PDIA5: variants seen among roughly 807,000 people sequenced by gnomAD.
PDIA5 encodes the protein protein disulfide-isomerase A5.
Under a neutral mutation model 77.6 loss-of-function variants are expected in PDIA5, and 58 were observed. That is an observed-to-expected ratio of 0.75 (90% CI 0.61 to 0.93). PDIA5 has a LOEUF of 0.93. Among genes scored for constraint, PDIA5 ranks in the 40% least tolerant of loss-of-function variants. The probability of loss-of-function intolerance (pLI) is 0.00; values close to 1 mark genes in which losing one functional copy is unlikely to be tolerated. For synonymous variants in PDIA5, 250 were observed against 252.1 expected, an observed-to-expected ratio of 0.99 and a Z score of 0.08; for missense variants, 630 against 647.7, an observed-to-expected ratio of 0.97 and a Z score of 0.30.
At chr3:123,150,529 T>C (rs1935868682) in intron 14 of PDIA5, among the ~76,000 whole-genome samples, 165 bp downstream of exon 14, 1 of 151,898 alleles carries the variant, frequency 6.6e-6, no homozygotes, top group Admixed American at 6.6e-5. Flanking sequence ...GGCTAAGAGG[T>C]CCTTCAAATC....
chr3:123,139,881 G>A (rs1214536316), intron 11 of PDIA5, among the ~76,000 whole-genome samples: 6 of 152,158 alleles, frequency 3.9e-5, no homozygotes, highest in African/African-American at 1.4e-4. Context: ...CAAGACAGCC[G>A]AGCCCCTGCC....
chr3:123,112,534 CTTTTTTTTT>C lies in PDIA5; in HGVS notation c.541+1548_541+1556del, dbSNP rs55977938. The stretch of plus-strand genomic sequence containing the variant: ...ACAGCAGCCTTTCCCCAGCCCTATT[CTTTTTTTTT>C]TTTTTTTTTTTTTTTTTGGTTTTGA... On this transcript the variant is annotated intron_variant, in intron 7 of 16. Coordinates refer to ENST00000316218, the MANE Select transcript of PDIA5 (RefSeq NM_006810.4). Among the ~76,000 whole-genome samples the C allele has an allele frequency of 9.8e-5, 6 of 61,478 alleles. No individual in the cohort carries two copies. The South Asian group carries it at 2.7e-3, about 27-fold the overall frequency. 40.3% of individuals were successfully genotyped at this position (61,478 alleles called of 152,430 possible).
At chr3:123,070,102 A>G (rs968167592) in intron 1 of PDIA5, among the ~76,000 whole-genome samples, 22 of 151,770 alleles carry the variant, frequency 1.4e-4, no homozygotes, top group African/African-American at 2.4e-4. Flanking sequence ...AAAAAAAAAA[A>G]AAGAAGAAGA....
At chr3:123,134,331 T>A (rs1250142490) in intron 11 of PDIA5, among the ~76,000 whole-genome samples, 1 of 152,070 alleles carries the variant, frequency 6.6e-6, no homozygotes, top group East Asian at 1.9e-4. Flanking sequence ...AGGGAAAGGG[T>A]CTTCAGCTTT....
chr3:123,159,325 C>G lies in PDIA5; in HGVS notation c.1345-1996C>G, dbSNP rs181734821. On this transcript the variant is annotated intron_variant, in intron 15 of 16. Transcript: ENST00000316218. ...TGAGAAATGGAACCCCACAATTTGGCCAGGGGAGCATCTGCCTCATGTTTT... is the reference window on the plus strand; with the variant it reads ...TGAGAAATGGAACCCCACAATTTGGGCAGGGGAGCATCTGCCTCATGTTTT... Among the ~76,000 whole-genome samples, 510 of 152,322 alleles carry G rather than the reference C, an allele frequency of 3.3e-3. 3 individuals carry two copies. Among genetic ancestry groups the G allele is most frequent in the African/African-American group, 0.011 (465 of 41,570 alleles).
At chr3:123,126,424 G>T (rs545829839) in intron 10 of PDIA5, among the ~76,000 whole-genome samples, 2 of 152,190 alleles carry the variant, frequency 1.3e-5, no homozygotes, top group African/African-American at 4.8e-5. Flanking sequence ...CTACCAGCTG[G>T]CTTAATTTTT....
intron 1 of PDIA5, among the ~76,000 whole-genome samples, chr3:123,086,115 G>C (rs1401288489): frequency 6.6e-6 from 1 of 152,144 alleles, no homozygotes; most frequent in African/African-American, 2.4e-5. Flanking sequence ...GGGAAACTTT[G>C]AATTCCAATG....
Position 123,162,097 on chromosome 3 carries a change from A to G in PDIA5, c.*137A>G. 1 of 660,326 alleles carries G rather than the reference A, an allele frequency of 1.5e-6. No individual in the cohort carries two copies. The highest frequency in any genetic ancestry group is 2.7e-6 in the Non-Finnish European group (1 of 366,660). 40.9% of individuals were successfully genotyped at this position (660,326 alleles called of 1,614,324 possible). ...TTGTACAATTTTGAAATAAAATTAA[A>G]CCATTTATTTGGTGGTATGGTTTAT... On this transcript the variant is annotated 3_prime_UTR_variant, in exon 17 of 17. Coordinates refer to ENST00000316218, the MANE Select transcript of PDIA5 (RefSeq NM_006810.4).
chr3:123,146,536 T>C (rs935526829), intron 13 of PDIA5, among the ~76,000 whole-genome samples: 2 of 152,212 alleles, frequency 1.3e-5, no homozygotes, highest in Non-Finnish European at 2.9e-5. Context: ...GCCCAGATCT[T>C]ATTGTCTGCA....
At position 123,089,304 on chromosome 3, in the gene PDIA5, C is replaced by T; in HGVS notation, c.169+10C>T. 1 of 1,613,252 alleles carries T rather than the reference C, an allele frequency of 6.2e-7. No homozygotes were observed. Among genetic ancestry groups the T allele is most frequent in the Non-Finnish European group, 8.5e-7 (1 of 1,179,456 alleles). On this transcript the variant is annotated intron_variant, in intron 2 of 16. Transcript: ENST00000316218. ...CTTTACTCCAAATCTGGTGAGTGTC[C>T]CTTCCTGGCCTTGAGGTCAACCATC...
chr3:123,129,095 A>G (rs1935312710), intron 10 of PDIA5, among the ~76,000 whole-genome samples: 1 of 152,140 alleles, frequency 6.6e-6, no homozygotes, highest in Admixed American at 6.5e-5. Context: ...TCAGATGCAC[A>G]TAATTTTGTA....
intron 3 of PDIA5, among the ~76,000 whole-genome samples, chr3:123,102,208 C>G (rs951863416): frequency 1.3e-5 from 2 of 152,324 alleles, no homozygotes; most frequent in East Asian, 1.9e-4. Flanking sequence ...CCACGCCCAG[C>G]CTCTGTCTTT....
At chr3:123,130,652 C>A (rs748417388) in intron 11 of PDIA5, 36 bp downstream of exon 11, 6 of 1,610,016 alleles carry the variant, frequency 3.7e-6, no homozygotes. Context: ...TCCACACCCT[C>A]CCCTCTCTCA....
At chr3:123,110,354 G>T (rs1934831331) in intron 6 of PDIA5, among the ~76,000 whole-genome samples, 1 of 152,178 alleles carries the variant, frequency 6.6e-6, no homozygotes. Context: ...CTTCTGCCCT[G>T]TGTGCTCCGT....
intron 3 of PDIA5, among the ~76,000 whole-genome samples, chr3:123,096,213 T>G (rs1934434063): frequency 6.6e-6 from 1 of 152,052 alleles, no homozygotes; most frequent in Non-Finnish European, 1.5e-5. Flanking sequence ...CCCTTTTTGT[T>G]TTTGAGATGA....
At chr3:123,103,830 C>T (rs1016351581) in intron 5 of PDIA5, among the ~76,000 whole-genome samples, 2 of 152,192 alleles carry the variant, frequency 1.3e-5, no homozygotes, top group African/African-American at 4.8e-5. Context: ...AAGACGTCAA[C>T]CGAAGTTCTT....
intron 11 of PDIA5, among the ~76,000 whole-genome samples, chr3:123,131,031 G>A (rs1257326393): frequency 2.0e-5 from 3 of 152,156 alleles, no homozygotes; most frequent in Non-Finnish European, 4.4e-5. Flanking sequence ...CAGCACTTTG[G>A]GAGGTCAAGG....
At chr3:123,079,854 T>A (rs1290318411) in intron 1 of PDIA5, among the ~76,000 whole-genome samples, 3 of 152,164 alleles carry the variant, frequency 2.0e-5, no homozygotes, top group Non-Finnish European at 2.9e-5. Flanking sequence ...CTTTTTTTTT[T>A]AAACTGTGAC....
At chr3:123,152,306 C>G (rs1935933135) in intron 14 of PDIA5, among the ~76,000 whole-genome samples, 1 of 152,166 alleles carries the variant, frequency 6.6e-6, no homozygotes. Flanking sequence ...ACTGTCTACC[C>G]TGACAAAATT....
Sources: allele counts gnomAD v4.1 joint callset (sites outside exome capture counted in the v4.1 genomes callset), GRCh38; gene constraint gnomAD v4.1.1; transcripts MANE v1.5; gene names NCBI Gene and HGNC (gene_info 2026-07-23, HGNC 2026-07-21).